SLC9A3: variants seen among roughly 807,000 people sequenced by gnomAD.
SLC9A3 encodes sodium/hydrogen exchanger 3.
A neutral mutation model predicts 86.8 loss-of-function variants in SLC9A3; 37 were observed. That is an observed-to-expected ratio of 0.43 (90% confidence interval 0.33 to 0.56). The LOEUF (loss-of-function observed/expected upper bound fraction) is 0.56. SLC9A3 is among the 20% of genes least tolerant of loss of function. SLC9A3 has a pLI of 0.06. For missense variants in SLC9A3, 1,011 were observed against 1,171.9 expected (o/e 0.86, Z 2.00); for synonymous variants, 581 against 528.3 (o/e 1.10, Z -1.37).
At chr5:485,456 G>A (rs1739421075) in intron 3 of SLC9A3, among the ~76,000 whole-genome samples, 1 of 152,218 alleles carries the variant, frequency 6.6e-6, no homozygotes, top group East Asian at 1.9e-4. Flanking sequence ...CAGAAGCTTT[G>A]GGAGCAAAGC....
At chr5:514,469 C>T (rs1352171459) in intron 1 of SLC9A3, among the ~76,000 whole-genome samples, 4 of 152,220 alleles carry the variant, frequency 2.6e-5, no homozygotes, top group African/African-American at 4.8e-5. Context: ...CGAGGCCCAT[C>T]GGGTCTTGCC....
At chr5:516,236 GAT>G (rs1370386549) in intron 1 of SLC9A3, among the ~76,000 whole-genome samples, 1 of 150,998 alleles carries the variant, frequency 6.6e-6, no homozygotes, top group African/African-American at 2.4e-5. Context: ...TGCCCCATGG[GAT>G]ATTTGGGTCT....
chr5:501,861 C>T (rs1740293108), intron 1 of SLC9A3, among the ~76,000 whole-genome samples: 1 of 152,150 alleles, frequency 6.6e-6, no homozygotes, highest in South Asian at 2.1e-4. Flanking sequence ...CCTGCGGGTG[C>T]AGTTCCCCGT....
chr5:495,952 G>A (rs1026203591), intron 1 of SLC9A3, among the ~76,000 whole-genome samples: 4 of 151,294 alleles, frequency 2.6e-5, no homozygotes, highest in Non-Finnish European at 5.9e-5. Context: ...CCGCGCCATC[G>A]CCGACCCTCC....
chr5:481,392 C>T (rs1045872365), intron 9 of SLC9A3, among the ~76,000 whole-genome samples, 173 bp downstream of exon 9: 1 of 152,336 alleles, frequency 6.6e-6, no homozygotes, highest in East Asian at 1.9e-4. Flanking sequence ...CTCCTTTCCG[C>T]AGCACCTGCG....
At position 476,577 on chromosome 5, in the gene SLC9A3, G is replaced by A. The variant is rs140444435; in HGVS notation, c.1856C>T (p.Thr619Met). Residue 619 changes from threonine to methionine, a missense_variant, in exon 12 of 17, where the codon ACG (threonine) becomes ATG (methionine). By Grantham distance (81) the Thr-to-Met change is moderately conservative. Coordinates refer to ENST00000264938, the MANE Select transcript of SLC9A3 (RefSeq NM_004174.4). The stretch of plus-strand genomic sequence containing the variant: ...CGGCTTGTACAGGTACTGCTGTAGC[G>A]TGTGGTGCGTGACCATGTCCTCCGC... ...RDAEDMVTHH[T>M]LQQYLYKPRQ... is the part of the protein sequence containing the mutation. 36 of 1,611,262 alleles carry A rather than the reference G, an allele frequency of 2.2e-5. No individual in the cohort carries two copies. The highest frequency in any genetic ancestry group is 3.3e-5 in the Admixed American group (2 of 59,986).
In SLC9A3 at chr5:515,190, G is replaced by A. The variant is rs534852275; in HGVS notation, c.211+8922C>T. On this transcript the variant is annotated intron_variant, in intron 1 of 16. Transcript: ENST00000264938. ...ACCCCAGAGTCCATGCCATCAGCCT[G>A]GAGTCTCTGTCACAGCCCTAACCAC... 1.4e-3 allele frequency among the ~76,000 whole-genome samples: 218 copies of A among 152,108 alleles called. 2 individuals carry two copies. The highest frequency in any genetic ancestry group is 5.1e-3 in the African/African-American group (210 of 41,484).
intron 6 of SLC9A3, 84 bp from the exon 7 acceptor site, chr5:482,834 G>T: frequency 9.1e-7 from 1 of 1,095,550 alleles, no homozygotes; most frequent in Non-Finnish European, 1.3e-6. Context: ...GCGTCTTGGC[G>T]GCCAAGCATG....
chr5:472,843 G>A lies in SLC9A3; in HGVS notation c.*536C>T, dbSNP rs1482483635. ...CCCGGGCGCGGGGCTCGGTTGGGGG[G>A]GCCCGGAACCTTGGGCTGGTTTCAC... is the stretch of plus-strand genomic sequence containing the variant. On this transcript the variant is annotated 3_prime_UTR_variant, in exon 17 of 17. Transcript: ENST00000264938. 5.7e-6 allele frequency: 3 copies of A among 522,096 alleles called. No homozygotes were observed. The highest frequency in any genetic ancestry group is 4.4e-5 in the East Asian group (1 of 22,508). 32.3% of individuals were successfully genotyped at this position (522,096 alleles called of 1,614,324 possible). A position where few individuals can be genotyped will look rare whatever the true frequency, so the allele number is the denominator to read the frequency against.
At position 471,686 on chromosome 5, in the gene SLC9A3, C is replaced by G. The variant is rs1038891005; in HGVS notation, c.*1693G>C. ...TTGTGCTCAGAGTTGGTTGAAATGG[C>G]TACGAAGTGTGGAGAATAACCACTG... On this transcript the variant is annotated 3_prime_UTR_variant, in exon 17 of 17. Coordinates refer to ENST00000264938, the MANE Select transcript of SLC9A3 (RefSeq NM_004174.4). 2.3e-6 allele frequency: 1 copy of G among 435,368 alleles called. No homozygotes were observed. Among genetic ancestry groups the G allele is most frequent in the African/African-American group, 2.0e-5 (1 of 49,226 alleles). 27.0% of individuals were successfully genotyped at this position (435,368 alleles called of 1,614,324 possible).
rs1739393091 is a variant in SLC9A3, at chr5:484,886, T to C, written c.755-189A>G. ...AGTGGGGAGGACCCTCCCGTGCCCC[T>C]GGGAGCCTGGCCCCAGGCCCTATCC... On this transcript the variant is annotated intron_variant, in intron 4 of 16. Transcript: ENST00000264938. Among the ~76,000 whole-genome samples, 4 of 152,308 alleles carry C rather than the reference T, an allele frequency of 2.6e-5. No individual in the cohort carries two copies. The South Asian group carries it at 8.3e-4, about 32-fold the overall frequency.
At chr5:474,695 A>AGCGTTACATGTGTGT (rs1560947115) in intron 16 of SLC9A3, among the ~76,000 whole-genome samples, 188 bp downstream of exon 16, 17 of 17,384 alleles carry the variant, frequency 9.8e-4, no homozygotes, top group African/African-American at 2.4e-3. Context: ...AGGCGGGGAG[A>AGCGTTACATGTGTGT]GAGAGAGCGA....
intron 13 of SLC9A3, 43 bp from the exon 14 acceptor site, chr5:476,135 C>T: frequency 1.2e-6 from 2 of 1,612,068 alleles, no homozygotes; most frequent in Non-Finnish European, 1.7e-6. Context: ...GACACAGCCA[C>T]ACCCAGCCCT....
At chr5:490,116 AC>A (rs1036177756) in intron 2 of SLC9A3, among the ~76,000 whole-genome samples, 51 of 94,688 alleles carry the variant, frequency 5.4e-4, no homozygotes, top group African/African-American at 2.1e-3. Context: ...AATGGGATGG[AC>A]CTGCCGGCCA....
chr5:522,816 CA>C (rs1188640492), intron 1 of SLC9A3, among the ~76,000 whole-genome samples: 1 of 151,902 alleles, frequency 6.6e-6, no homozygotes, highest in Non-Finnish European at 1.5e-5. Flanking sequence ...CAGAGGAAAG[CA>C]GGGTGAGCTT....
rs147688367 is a variant in SLC9A3, at chr5:491,988, C to T, written c.295G>A (p.Val99Ile). 289 of 1,602,106 alleles carry T rather than the reference C, an allele frequency of 1.8e-4. No individual in the cohort carries two copies. The highest frequency in any genetic ancestry group is 2.2e-4 in the Non-Finnish European group (260 of 1,175,094). ...GACGCGATGTGGTCGGCCGCCCAGA[C>T]GATGCCGCCCAGCACCAGGCCCAGC... ...IVLGLVLGGI[V>I]WAADHIASFT... The change falls in exon 2 of 17, where the codon GTC (valine) becomes ATC (isoleucine). Residue 99 changes from valine to isoleucine, a missense_variant. Coordinates refer to ENST00000264938, the MANE Select transcript of SLC9A3 (RefSeq NM_004174.4). This position sits in a 1 kb window ranked among gnomAD's most constrained non-coding sequence, Gnocchi z 9.2.
Position 473,275 on chromosome 5 carries a change from G to A in SLC9A3, c.*104C>T, listed in dbSNP as rs1009758073. On this transcript the variant is annotated 3_prime_UTR_variant, in exon 17 of 17. Transcript: ENST00000264938. ...GCGGGGCTCGGGGCTCGCGGTCGCT[G>A]TAGCCGCGCGGGGATCTGGGGTTTC... is the stretch of plus-strand genomic sequence containing the variant. The A allele has an allele frequency of 2.4e-6, 3 of 1,228,472 alleles. No individual in the cohort carries two copies. The highest frequency in any genetic ancestry group is 3.2e-5 in the African/African-American group (2 of 62,556). The allele number at this position is 1,228,472 out of a possible 1,614,324, so 76.1% of individuals were successfully genotyped here. A position where few individuals can be genotyped will look rare whatever the true frequency, so the allele number is the denominator to read the frequency against.
intron 1 of SLC9A3, 46 bp downstream of exon 1, chr5:524,066 G>A: frequency 1.5e-6 from 2 of 1,339,870 alleles, no homozygotes; most frequent in Non-Finnish European, 2.0e-6. Context: ...CAGCAGAGGC[G>A]GCCGCACACC....
In SLC9A3 at chr5:472,106, G is replaced by C. The variant is rs72698516; in HGVS notation, c.*1273C>G. 0.16 allele frequency: 65,727 copies of C among 416,694 alleles called. 6,195 individuals are homozygous for C. Among genetic ancestry groups the C allele is most frequent in the Admixed American group, 0.2 (7,463 of 37,602 alleles). The allele number at this position is 416,694 out of a possible 1,614,324, so 25.8% of individuals were successfully genotyped here. A position where few individuals can be genotyped will look rare whatever the true frequency, so the allele number is the denominator to read the frequency against. The stretch of plus-strand genomic sequence containing the variant: ...TTGGACCCTGTGGGACTTGCCGTCT[G>C]AGGGATGGATGGACTCCGAGCACCC... On this transcript the variant is annotated 3_prime_UTR_variant, in exon 17 of 17. Coordinates refer to ENST00000264938, the MANE Select transcript of SLC9A3 (RefSeq NM_004174.4).
Sources: gnomAD v4.1 joint callset for allele counts (sites outside exome capture counted in the v4.1 genomes callset) on GRCh38, gnomAD v4.1.1 for gene constraint, Gnocchi (gnomAD v3.1) non-coding constraint, MANE v1.5 for transcripts, NCBI Gene and HGNC (gene_info 2026-07-23, HGNC 2026-07-21) for gene names.